The following NRXN3 variants were observed in gnomAD, a reference collection of about 807,000 sequenced individuals.
NRXN3 encodes neurexin 3.
A neutral mutation model predicts 137.6 loss-of-function variants in NRXN3; 32 were observed. The observed-to-expected ratio is 0.23, with a 90% CI of 0.18 to 0.31. NRXN3 has a LOEUF of 0.31. Ranked by LOEUF, NRXN3 falls within the 10% of genes least tolerant of loss-of-function variation. The probability of loss-of-function intolerance (pLI) is 1.00; values close to 1 mark genes in which losing one functional copy is unlikely to be tolerated. For missense variants in NRXN3, 1,574 were observed against 2,062.5 expected, an observed-to-expected ratio of 0.76 and a Z score of 4.59; for synonymous variants, 798 against 784.5, an observed-to-expected ratio of 1.02 and a Z score of -0.29.
chr14:79,646,362 G>T (rs1414099838), intron 16 of NRXN3, among the ~76,000 whole-genome samples: 1 of 135,294 alleles, frequency 7.4e-6, no homozygotes, highest in Non-Finnish European at 1.7e-5. Context: ...AGTTCCACGG[G>T]CCTACTGAAA....
chr14:79,214,589 G>A (rs1249166619), intron 15 of NRXN3, among the ~76,000 whole-genome samples: 1 of 152,186 alleles, frequency 6.6e-6, no homozygotes, highest in Non-Finnish European at 1.5e-5. Context: ...GATAGATTAT[G>A]TATAATCATT....
At chr14:79,556,344 A>G (rs2097429499) in intron 16 of NRXN3, among the ~76,000 whole-genome samples, 1 of 152,170 alleles carries the variant, frequency 6.6e-6, no homozygotes, top group Non-Finnish European at 1.5e-5. Flanking sequence ...TGCTTAAAGA[A>G]TAGGTGGATA....
intron 15 of NRXN3, among the ~76,000 whole-genome samples, chr14:79,399,120 CCTT>C (rs964965827): frequency 6.6e-6 from 1 of 151,752 alleles, no homozygotes; most frequent in African/African-American, 2.4e-5. Context: ...AAGAGCCCAA[CCTT>C]CTCAGGGTTC....
intron 10 of NRXN3, among the ~76,000 whole-genome samples, chr14:78,878,933 A>G (rs2099120827): frequency 6.6e-6 from 1 of 151,986 alleles, no homozygotes. Context: ...TAGATTTCAT[A>G]TATAAGCGAG....
At chr14:78,575,453 A>G (rs1184184715) in intron 4 of NRXN3, among the ~76,000 whole-genome samples, 4 of 152,204 alleles carry the variant, frequency 2.6e-5, no homozygotes, top group African/African-American at 9.6e-5. Context: ...AAATCATTGT[A>G]TGGTTTAAAT....
intron 4 of NRXN3, among the ~76,000 whole-genome samples, chr14:78,588,691 C>T (rs1014603809): frequency 2.0e-5 from 3 of 152,220 alleles, no homozygotes; most frequent in Non-Finnish European, 2.9e-5. Context: ...AGTGAGAACT[C>T]AACACAATCT....
intron 4 of NRXN3, among the ~76,000 whole-genome samples, chr14:78,620,349 T>C (rs577427384): frequency 9.3e-4 from 142 of 152,332 alleles, no homozygotes; most frequent in Non-Finnish European, 1.9e-3. Context: ...GCAGATAATG[T>C]GTTAGGCAGC....
At chr14:79,282,749 C>G (rs2081488051) in intron 15 of NRXN3, among the ~76,000 whole-genome samples, 1 of 152,130 alleles carries the variant, frequency 6.6e-6, no homozygotes, top group Non-Finnish European at 1.5e-5. Context: ...ACAGTGAACT[C>G]CATCCAGGGT....
At chr14:79,291,958 C>A (rs2083275017) in intron 15 of NRXN3, among the ~76,000 whole-genome samples, 1 of 152,078 alleles carries the variant, frequency 6.6e-6, no homozygotes, top group African/African-American at 2.4e-5. Flanking sequence ...TAGCTTACTG[C>A]ATTTAATCTT....
intron 15 of NRXN3, among the ~76,000 whole-genome samples, chr14:79,067,518 T>C (rs2099682275): frequency 6.6e-6 from 1 of 152,130 alleles, no homozygotes; most frequent in South Asian, 2.1e-4. Flanking sequence ...TTCAATTTTT[T>C]GAATAGTTTC....
chr14:78,655,959 C>G (rs2097781183), intron 6 of NRXN3, among the ~76,000 whole-genome samples: 1 of 152,022 alleles, frequency 6.6e-6, no homozygotes, highest in Non-Finnish European at 1.5e-5. Flanking sequence ...TCTCTAGGGT[C>G]CCTTTTATAA....
At chr14:79,669,859 TTTTG>T (rs938880687) in intron 17 of NRXN3, among the ~76,000 whole-genome samples, 9 of 152,140 alleles carry the variant, frequency 5.9e-5, no homozygotes, top group Admixed American at 2.6e-4. Context: ...CCAGGCATTT[TTTTG>T]TTTGTTTTTT....
At chr14:79,497,097 C>T (rs73341413) in intron 16 of NRXN3, among the ~76,000 whole-genome samples, 3,310 of 152,258 alleles carry the variant, frequency 0.022, 164 homozygotes, top group East Asian at 0.17. Context: ...AAACCTGGTC[C>T]GGACCTTGGG....
intron 15 of NRXN3, among the ~76,000 whole-genome samples, chr14:79,093,598 T>C (rs1328244139): frequency 1.3e-5 from 2 of 152,224 alleles, no homozygotes; most frequent in East Asian, 3.8e-4. Flanking sequence ...TCTTGCTTTC[T>C]GCGAGCGAGC....
chr14:78,878,915 T>G (rs1348487511), intron 10 of NRXN3, among the ~76,000 whole-genome samples: 4 of 151,350 alleles, frequency 2.6e-5, no homozygotes, highest in Admixed American at 6.6e-5. Context: ...ATGAGTTTGT[T>G]TTTTTTTTAG....
intron 8 of NRXN3, among the ~76,000 whole-genome samples, chr14:78,729,536 G>A (rs998975043): frequency 7.2e-5 from 11 of 152,204 alleles, no homozygotes; most frequent in African/African-American, 2.7e-4. Context: ...CATTCACACT[G>A]TTTGTTCCTA....
intron 15 of NRXN3, among the ~76,000 whole-genome samples, chr14:78,996,781 G>T (rs977343229): frequency 6.6e-6 from 1 of 152,124 alleles, no homozygotes; most frequent in Non-Finnish European, 1.5e-5. Context: ...AGGCGAGACA[G>T]ATGCAAAAGA....
intron 16 of NRXN3, among the ~76,000 whole-genome samples, chr14:79,614,064 T>G (rs911220413): frequency 2.0e-5 from 3 of 152,254 alleles, no homozygotes; most frequent in African/African-American, 7.2e-5. Flanking sequence ...CACAGTTATC[T>G]GCTATGGTTG....
At chr14:78,638,592 C>G (rs1018223464) in intron 4 of NRXN3, among the ~76,000 whole-genome samples, 7 of 152,112 alleles carry the variant, frequency 4.6e-5, no homozygotes, top group Admixed American at 1.3e-4. Flanking sequence ...AAAAGAATTT[C>G]TACTTTCCCC....
Sources: allele counts gnomAD v4.1 joint callset (sites outside exome capture counted in the v4.1 genomes callset), GRCh38; gene constraint gnomAD v4.1.1; transcripts MANE v1.5; gene names NCBI Gene and HGNC (gene_info 2026-07-23, HGNC 2026-07-21).